Variants in CDC42BPG observed in about 807,000 individuals in gnomAD.
CDC42BPG encodes the protein serine/threonine-protein kinase MRCK gamma.
CDC42BPG carries 157 observed loss-of-function variants against 192.2 expected under a neutral mutation model. That is an observed-to-expected ratio of 0.82 (90% CI 0.72 to 0.93). The LOEUF is 0.93. Ranked by LOEUF, CDC42BPG falls within the 40% of genes least tolerant of loss-of-function variation. The pLI, the probability that CDC42BPG is intolerant of heterozygous loss-of-function variation, is 0.00. For synonymous variants in CDC42BPG, 981 were observed against 918.5 expected (o/e 1.07, Z -1.23); for missense variants, 1,992 against 2,122.1 (o/e 0.94, Z 1.20).
chr11:64,823,502 TA>T lies in CDC42BPG; in HGVS notation c.*970del, dbSNP rs1942317599. 6.6e-6 allele frequency: 1 copy of T among 152,030 alleles called. No individual in the cohort carries two copies. The highest frequency in any genetic ancestry group is 2.4e-5 in the African/African-American group (1 of 41,392). 9.4% of individuals were successfully genotyped at this position (152,030 alleles called of 1,614,324 possible). A position where few individuals can be genotyped will look rare whatever the true frequency, so the allele number is the denominator to read the frequency against. Reference sequence around the variant, plus strand: ...CACACTTCAGTGGGGGGAGGTTTAATAAAAATAGTAATATAATAACAATATA... The same window carrying T: ...CACACTTCAGTGGGGGGAGGTTTAATAAAATAGTAATATAATAACAATATA... On this transcript the variant is annotated 3_prime_UTR_variant, in exon 37 of 37. Coordinates refer to ENST00000342711, the MANE Select transcript of CDC42BPG (RefSeq NM_017525.3).
rs1354810975 is a variant in CDC42BPG at position 64,827,922 on chromosome 11, C to A, written c.3968-139G>T. On this transcript the variant is annotated intron_variant, in intron 30 of 36. Transcript: ENST00000342711. ...AAGACTCCCTGTCGCCCGGCCCAGC[C>A]TCCACATCAAATCAGAGATAACCCT... The A allele has an allele frequency of 1.8e-5, 12 of 660,406 alleles. No individual in the cohort carries two copies. The East Asian group carries it at 3.3e-4, about 18-fold the overall frequency. The allele number at this position is 660,406 out of a possible 1,614,324, so 40.9% of individuals were successfully genotyped here.
At chr11:64,831,200 C>T (rs915982634) in intron 28 of CDC42BPG, among the ~76,000 whole-genome samples, 3 of 149,770 alleles carry the variant, frequency 2.0e-5, no homozygotes, top group African/African-American at 4.9e-5. Context: ...CCTGGGCGAC[C>T]GAGCGAGACT....
rs1152632 is a variant in CDC42BPG, at chr11:64,841,467, A to T, written c.336+183T>A. ...ATTCCGTCTCAAAAAAAAAAAAAAA[A>T]TTTAAAAAATTAAATAAAGGGTTTA... On this transcript the variant is annotated intron_variant, in intron 3 of 36. Transcript: ENST00000342711. Among the ~76,000 whole-genome samples the T allele has an allele frequency of 1.3e-4, 20 of 151,776 alleles. No individual in the cohort carries two copies. The East Asian group carries it at 3.1e-3, about 23-fold the overall frequency.
chr11:64,835,017 T>TCCCCCCCCCC, intron 17 of CDC42BPG, 30 bp downstream of exon 17: 3 of 1,571,946 alleles, frequency 1.9e-6, no homozygotes, highest in Non-Finnish European at 2.6e-6. Context: ...TCGCCTGCGT[T>TCCCCCCCCCC]CCCCACCCCG....
In CDC42BPG at chr11:64,838,742, G is replaced by A. The variant is rs146881257; in HGVS notation, c.1037C>T (p.Ala346Val). 51 of 1,612,504 alleles carry A rather than the reference G, an allele frequency of 3.2e-5. No individual in the cohort carries two copies. The highest frequency in any genetic ancestry group is 3.9e-5 in the Non-Finnish European group (46 of 1,179,994). The change falls in exon 8 of 37, where the codon GCG (alanine) becomes GTG (valine). Residue 346 changes from alanine to valine, a missense_variant. Coordinates refer to ENST00000342711, the MANE Select transcript of CDC42BPG (RefSeq NM_017525.3). ...AGGAATATAGGGGGCCGTGCTGCTC[G>A]CCAGCCGCTCCCAGTCCACGCCTTC... The part of the protein sequence containing the change: ...FFEGVDWERL[A>V]SSTAPYIPEL...
chr11:64,825,050 G>A (rs1409618584), intron 36 of CDC42BPG, among the ~76,000 whole-genome samples: 4 of 152,106 alleles, frequency 2.6e-5, no homozygotes, highest in Non-Finnish European at 5.9e-5. Context: ...CCAGGTAGCT[G>A]GGATTACAAG....
rs369150867 is a variant in CDC42BPG at position 64,836,264 on chromosome 11, A to G, written c.1521T>C (p.Ala507=). The G allele has an allele frequency of 1.9e-6, 3 of 1,603,080 alleles. No homozygotes were observed. Among genetic ancestry groups the G allele is most frequent in the Non-Finnish European group, 2.5e-6 (3 of 1,176,876 alleles). ...ELAEGRAGLQ[A]QEQELCRAQG... Reference sequence around the variant, plus strand: ...GGGCCCTGCAGAGCTCCTGCTCCTGAGCCTGCAGCCCTGCCCGACCCTCGG... The same window carrying G: ...GGGCCCTGCAGAGCTCCTGCTCCTGGGCCTGCAGCCCTGCCCGACCCTCGG... The change falls in exon 13 of 37, where the codon GCT becomes GCC. Residue 507 remains alanine (A), a synonymous_variant. Coordinates refer to ENST00000342711, the MANE Select transcript of CDC42BPG (RefSeq NM_017525.3).
chr11:64,835,439 G>A lies in CDC42BPG; in HGVS notation c.1881-20C>T. 6.2e-7 allele frequency: 1 copy of A among 1,613,062 alleles called. No individual in the cohort carries two copies. Among genetic ancestry groups the A allele is most frequent in the Non-Finnish European group, 8.5e-7 (1 of 1,179,976 alleles). On this transcript the variant is annotated intron_variant, in intron 15 of 36. Coordinates refer to ENST00000342711, the MANE Select transcript of CDC42BPG (RefSeq NM_017525.3). The stretch of plus-strand genomic sequence containing the variant: ...CTCGGCCTGGGGAGGAGAAGGCCAA[G>A]GCCGTGACTCACCGCCCAGGCCAGG...
intron 24 of CDC42BPG, 66 bp from the exon 25 acceptor site, chr11:64,833,025 G>A: frequency 1.4e-6 from 2 of 1,475,662 alleles, no homozygotes; most frequent in South Asian, 1.4e-5. Flanking sequence ...ACCAGGACGG[G>A]GGCATGTCCA....
chr11:64,832,443 C>T lies in CDC42BPG; in HGVS notation c.3072G>A (p.Leu1024=), dbSNP rs1483801244. The change falls in exon 27 of 37, where the codon CTG becomes CTA. Residue 1024 remains leucine, a synonymous_variant. Coordinates refer to ENST00000342711, the MANE Select transcript of CDC42BPG (RefSeq NM_017525.3). Reference sequence around the variant, plus strand: ...AGGCACTCACCCTAAAGATGCGTGGCAGGTCCCTGGATTGGGCATGGATAA... The same window carrying T: ...AGGCACTCACCCTAAAGATGCGTGGTAGGTCCCTGGATTGGGCATGGATAA... ...SDVIHAQSRD[L]PRIFRVTTSQ... is the part of the protein sequence containing the mutation. 9 of 1,613,868 alleles carry T rather than the reference C, an allele frequency of 5.6e-6. No individual in the cohort carries two copies. The highest frequency in any genetic ancestry group is 3.3e-5 in the Admixed American group (2 of 59,980).
At position 64,836,463 on chromosome 11, in the gene CDC42BPG, G is replaced by C. The variant is rs1382802497; in HGVS notation, c.1452C>G (p.Asp484Glu). Reference sequence around the variant, plus strand: ...GGTCAAGCTCCTGCCGTAGGTCACTGTCCTGACCTGGGCTACCAGCTGGGG... The same window carrying C: ...GGTCAAGCTCCTGCCGTAGGTCACTCTCCTGACCTGGGCTACCAGCTGGGG... The part of the protein sequence containing the change: ...DGPPAGSPGQ[D>E]SDLRQELDRL... The change falls in exon 12 of 37, where the codon GAC (aspartate) becomes GAG (glutamate). Residue 484 changes from aspartate (D) to glutamate (E), a missense_variant. By Grantham distance (45) the Asp-to-Glu change is conservative (BLOSUM62 2). Around this residue, in one of 2 missense-constraint regions of CDC42BPG, gnomAD observed 1,656 missense variants for 1,844.3 expected, o/e 0.90. Coordinates refer to ENST00000342711, the MANE Select transcript of CDC42BPG (RefSeq NM_017525.3). 6.2e-7 allele frequency: 1 copy of C among 1,613,456 alleles called. No homozygotes were observed. Among genetic ancestry groups the C allele is most frequent in the Non-Finnish European group, 8.5e-7 (1 of 1,179,938 alleles).
At chr11:64,836,717 G>GGGA in intron 11 of CDC42BPG, 22 bp downstream of exon 11, 6 of 858,760 alleles carry the variant, frequency 7.0e-6, no homozygotes, top group South Asian at 6.9e-5. Flanking sequence ...GGGGGGGGGG[G>GGGA]GGGGGTGGGC....
intron 18 of CDC42BPG, 125 bp from the exon 19 acceptor site, chr11:64,834,702 G>A (rs1942888347): frequency 7.4e-7 from 1 of 1,359,014 alleles, no homozygotes; most frequent in African/African-American, 1.5e-5. Context: ...CTCAGCCAAT[G>A]ACCCACTGTG....
Position 64,827,039 on chromosome 11 carries a change from AGAGGACTAACC to A in CDC42BPG, c.4389_4389+10del. On this transcript the variant is annotated splice_donor_variant and splice_donor_5th_base_variant and coding_sequence_variant and intron_variant, in exon 34 of 37. Transcript: ENST00000342711. LOFTEE classifies it high-confidence loss of function. ...ACCAAAGTGGCTTGTGATTGGCTCC[AGAGGACTAACC>A]GGGGACTTGTCCCTGGCGCCGGGCC... is the stretch of plus-strand genomic sequence containing the variant. 6.4e-7 allele frequency: 1 copy of A among 1,570,556 alleles called. No homozygotes were observed. Among genetic ancestry groups the A allele is most frequent in the Non-Finnish European group, 8.7e-7 (1 of 1,144,480 alleles).
In CDC42BPG at chr11:64,823,211, C is replaced by A. The variant is rs992994849; in HGVS notation, c.*1262G>T. ...ACGCCATTCTCCTGCCTCAGCCTCC[C>A]GAGTAGCAGGGACTACAGGCACCCG... is the stretch of plus-strand genomic sequence containing the variant. On this transcript the variant is annotated 3_prime_UTR_variant, in exon 37 of 37. Transcript: ENST00000342711. 1.3e-5 allele frequency among the ~76,000 whole-genome samples: 2 copies of A among 151,904 alleles called. No homozygotes were observed. Among genetic ancestry groups the A allele is most frequent in the African/African-American group, 2.4e-5 (1 of 41,348 alleles).
At chr11:64,843,116 T>G (rs551854978) in intron 1 of CDC42BPG, among the ~76,000 whole-genome samples, 1 of 151,982 alleles carries the variant, frequency 6.6e-6, no homozygotes, top group South Asian at 2.1e-4. Flanking sequence ...TCCAGGCCCC[T>G]GGACAGGCTG....
At position 64,823,744 on chromosome 11, in the gene CDC42BPG, T is replaced by G. The variant is rs77356561; in HGVS notation, c.*729A>C. 0.02 allele frequency: 2,984 copies of G among 152,570 alleles called. 37 individuals are homozygous for G. The highest frequency in any genetic ancestry group is 0.028 in the Non-Finnish European group (1,911 of 68,280). The allele number at this position is 152,570 out of a possible 1,614,324, so 9.5% of individuals were successfully genotyped here. On this transcript the variant is annotated 3_prime_UTR_variant, in exon 37 of 37. Transcript: ENST00000342711. ...TCTCTTCCCCGATGGGAGGATTGGCTGACAGTGTCAGCCCCGCCCACTGCA... is the reference window on the plus strand; with the variant it reads ...TCTCTTCCCCGATGGGAGGATTGGCGGACAGTGTCAGCCCCGCCCACTGCA...
At position 64,827,778 on chromosome 11, in the gene CDC42BPG, C is replaced by T. The variant is rs576528069; in HGVS notation, c.3973G>A (p.Ala1325Thr). ...CTGAACACTGTCAGGTAGGGGGCCG[C>T]ATACCCTGCGGGCACGCCAGGCACC... ...WPAAPMGWGYAAPYLTVFSEN... is the reference protein window; with the variant it reads ...WPAAPMGWGYTAPYLTVFSEN... The change falls in exon 31 of 37, where the codon GCG becomes ACG. Residue 1325 changes from alanine (A) to threonine (T), a missense_variant. Coordinates refer to ENST00000342711, the MANE Select transcript of CDC42BPG (RefSeq NM_017525.3). 30 of 1,607,174 alleles carry T rather than the reference C, an allele frequency of 1.9e-5. No individual in the cohort carries two copies. The African/African-American group carries it at 3.6e-4, about 19-fold the overall frequency.
At position 64,838,775 on chromosome 11, in the gene CDC42BPG, G is replaced by T. The variant is rs751230839; in HGVS notation, c.1004C>A (p.Pro335His). The T allele has an allele frequency of 1.2e-6, 2 of 1,612,948 alleles. No homozygotes were observed. Among genetic ancestry groups the T allele is most frequent in the East Asian group, 4.5e-5 (2 of 44,882 alleles). The stretch of plus-strand genomic sequence containing the variant: ...CTCCCAGTCCACGCCTTCGAAGAAA[G>T]GATGGTTCCGGAAGTCATCCAGCCC... ...RGGLDDFRNH[P>H]FFEGVDWERL... The change falls in exon 8 of 37, where the codon CCT becomes CAT. Residue 335 changes from proline (P) to histidine (H), a missense_variant. By Grantham distance (77) the Pro-to-His change is moderately conservative (BLOSUM62 -2). Around this residue, in one of 2 missense-constraint regions of CDC42BPG, gnomAD observed 1,656 missense variants for 1,844.3 expected, o/e 0.90. Coordinates refer to ENST00000342711, the MANE Select transcript of CDC42BPG (RefSeq NM_017525.3).
Sources: gnomAD v4.1 joint callset for allele counts (sites outside exome capture counted in the v4.1 genomes callset) on GRCh38, gnomAD v4.1.1 for gene constraint, gnomAD v4.1.1 regional missense constraint, MANE v1.5 for transcripts, NCBI Gene and HGNC (gene_info 2026-07-23, HGNC 2026-07-21) for gene names.